RPH3A: variants seen among roughly 807,000 people sequenced by gnomAD.
RPH3A encodes rabphilin-3A.
RPH3A carries 48 observed loss-of-function variants against 102.2 expected under a neutral mutation model. That is an observed-to-expected ratio of 0.47 (90% CI 0.37 to 0.60). The LOEUF (loss-of-function observed/expected upper bound fraction) is 0.60, where lower values mean the gene tolerates loss of function less well. Among genes scored for constraint, RPH3A ranks in the 20% least tolerant of loss-of-function variants. The probability of loss-of-function intolerance (pLI) is 0.00; values close to 1 mark genes in which losing one functional copy is unlikely to be tolerated. For missense variants in RPH3A, 781 were observed against 910.1 expected (o/e 0.86, Z 1.83); for synonymous variants, 310 against 324.3 (o/e 0.96, Z 0.47).
At position 112,748,971 on chromosome 12, in the gene RPH3A, C is replaced by G. The variant is rs560741140; in HGVS notation, c.-139-43172C>G. Among the ~76,000 whole-genome samples the G allele has an allele frequency of 2.6e-5, 4 of 152,140 alleles. No homozygotes were observed. In the South Asian group the frequency reaches 6.2e-4, roughly 24 times the overall value. Reference sequence around the variant, plus strand: ...GGACTTTTGGTCTCTCTTGAAAAATCAGATGATCTGGCAACACTGGGATCC... The same window carrying G: ...GGACTTTTGGTCTCTCTTGAAAAATGAGATGATCTGGCAACACTGGGATCC... On this transcript the variant is annotated intron_variant, in intron 1 of 21. Coordinates refer to the RPH3A transcript ENST00000543106.
intron 1 of RPH3A, among the ~76,000 whole-genome samples, chr12:112,745,624 G>C (rs1412361216): frequency 2.6e-5 from 4 of 152,152 alleles, no homozygotes; most frequent in Non-Finnish European, 5.9e-5. Flanking sequence ...TTCCTCATTT[G>C]TTCCCAGTGT....
At chr12:112,747,079 G>A (rs2040753100) in intron 1 of RPH3A, among the ~76,000 whole-genome samples, 1 of 152,158 alleles carries the variant, frequency 6.6e-6, no homozygotes, top group African/African-American at 2.4e-5. Context: ...CTCCACAAGA[G>A]CAAGGATTTT....
At chr12:112,737,365 C>T (rs921026714) in intron 1 of RPH3A, among the ~76,000 whole-genome samples, 4 of 151,870 alleles carry the variant, frequency 2.6e-5, no homozygotes, top group Admixed American at 6.6e-5. Flanking sequence ...ATAATATGTA[C>T]CTTATAGGGT....
rs2040481936 is a variant in RPH3A, at chr12:112,712,993, GTCT to G, written c.-139-79147_-139-79145del. Among the ~76,000 whole-genome samples, 16 of 59,018 alleles carry G rather than the reference GTCT, an allele frequency of 2.7e-4. 1 individual carries two copies. The highest frequency in any genetic ancestry group is 5.2e-4 in the African/African-American group (7 of 13,476). 38.7% of individuals were successfully genotyped at this position (59,018 alleles called of 152,430 possible). On this transcript the variant is annotated intron_variant, in intron 1 of 21. Coordinates refer to the RPH3A transcript ENST00000543106. ...TTCTTCTTTCTTCTTCGTCGTCTTTGTCTTCCTCTTCCTCTTCCTCTTCCTCTT... is the reference window on the plus strand; with the variant it reads ...TTCTTCTTTCTTCTTCGTCGTCTTTGTCCTCTTCCTCTTCCTCTTCCTCTT...
intron 16 of RPH3A, among the ~76,000 whole-genome samples, chr12:112,886,623 G>T (rs755811207): frequency 2.0e-5 from 3 of 152,094 alleles, no homozygotes; most frequent in African/African-American, 7.2e-5. Flanking sequence ...GGAGACTCTT[G>T]TCCTAAGGGA....
At chr12:112,584,814 G>A (rs1469470386) in intron 1 of RPH3A, among the ~76,000 whole-genome samples, 2 of 152,098 alleles carry the variant, frequency 1.3e-5, no homozygotes, top group African/African-American at 4.8e-5. Flanking sequence ...GCAGAGGGAC[G>A]GTGTATTAGG....
chr12:112,684,531 G>C (rs1427785201), intron 1 of RPH3A, among the ~76,000 whole-genome samples: 1 of 151,906 alleles, frequency 6.6e-6, no homozygotes, highest in South Asian at 2.1e-4. Context: ...GCCTCCCAAG[G>C]TACTGGAGTT....
intron 1 of RPH3A, among the ~76,000 whole-genome samples, chr12:112,731,157 G>A (rs1241322446): frequency 6.6e-6 from 1 of 151,758 alleles, no homozygotes; most frequent in Non-Finnish European, 1.5e-5. Context: ...CAGGTGGGAC[G>A]TTCTAAGTTC....
chr12:112,837,160 C>T (rs748259868), intron 4 of RPH3A, among the ~76,000 whole-genome samples: 2 of 152,230 alleles, frequency 1.3e-5, no homozygotes, highest in African/African-American at 2.4e-5. Context: ...TTTTACCTCT[C>T]TCCCCGCAAT....
chr12:112,667,666 GAGAGAGAGAGAGAGA>G (rs2040095771), intron 1 of RPH3A, among the ~76,000 whole-genome samples: 3 of 7,652 alleles, frequency 3.9e-4, no homozygotes, highest in African/African-American at 2.7e-3. Flanking sequence ...TGAATAAAGA[GAGAGAGAGAGAGAGA>G]GAGAGAGAGA....
chr12:112,633,990 A>C lies in RPH3A; in HGVS notation c.-140+58671A>C, dbSNP rs141436811. ...TAAGTCAAGATGGGAAGCAAACACT[A>C]TTCTTCCCTAAGAACATGATTCTCA... On this transcript the variant is annotated intron_variant, in intron 1 of 21. Transcript: ENST00000543106. 3.1e-3 allele frequency among the ~76,000 whole-genome samples: 476 copies of C among 152,272 alleles called. 2 individuals carry two copies. Among genetic ancestry groups the C allele is most frequent in the African/African-American group, 0.01 (417 of 41,550 alleles).
chr12:112,576,767 T>C (rs1422950459), intron 1 of RPH3A, among the ~76,000 whole-genome samples: 1 of 151,774 alleles, frequency 6.6e-6, no homozygotes, highest in African/African-American at 2.4e-5. Context: ...GGCTATACAA[T>C]AAAAATGACA....
chr12:112,583,584 A>G (rs1403148142), intron 1 of RPH3A, among the ~76,000 whole-genome samples: 3 of 152,218 alleles, frequency 2.0e-5, no homozygotes, highest in African/African-American at 7.2e-5. Flanking sequence ...GCAGCTCTGC[A>G]TTAAAAGCCA....
chr12:112,739,328 G>T (rs540985643), intron 1 of RPH3A, among the ~76,000 whole-genome samples: 16 of 152,188 alleles, frequency 1.1e-4, no homozygotes, highest in Non-Finnish European at 1.3e-4. Flanking sequence ...TCAACTTTGT[G>T]AAGTGTATAA....
At chr12:112,822,531 A>G (rs2136141164) in intron 2 of RPH3A, among the ~76,000 whole-genome samples, 1 of 152,256 alleles carries the variant, frequency 6.6e-6, no homozygotes, top group African/African-American at 2.4e-5. Context: ...GCCAGGGGAG[A>G]AGCAGGCAGA....
chr12:112,859,272 T>C (rs946781445), intron 5 of RPH3A, among the ~76,000 whole-genome samples: 2 of 152,188 alleles, frequency 1.3e-5, no homozygotes, highest in Non-Finnish European at 2.9e-5. Context: ...CTAACCCCTC[T>C]TATTAGAAGA....
intron 1 of RPH3A, among the ~76,000 whole-genome samples, chr12:112,716,633 G>A (rs909156542): frequency 3.3e-5 from 5 of 152,130 alleles, no homozygotes; most frequent in Non-Finnish European, 7.3e-5. Context: ...ACTTTCACCC[G>A]TGTCTCATTG....
intron 1 of RPH3A, among the ~76,000 whole-genome samples, chr12:112,763,643 G>A (rs1278806755): frequency 6.6e-6 from 1 of 152,208 alleles, no homozygotes; most frequent in Non-Finnish European, 1.5e-5. Context: ...CAGGTAGTAG[G>A]CTTCAGAGAG....
At chr12:112,651,095 C>T (rs1255520000) in intron 1 of RPH3A, among the ~76,000 whole-genome samples, 1 of 151,818 alleles carries the variant, frequency 6.6e-6, no homozygotes. Context: ...TGTGGTGACT[C>T]ATGTCTGTAA....
Sources: allele counts gnomAD v4.1 joint callset (sites outside exome capture counted in the v4.1 genomes callset), GRCh38; gene constraint gnomAD v4.1.1; transcripts MANE v1.5; gene names NCBI Gene and HGNC (gene_info 2026-07-23, HGNC 2026-07-21).